The following DGKB variants were observed in gnomAD, a reference collection of about 807,000 sequenced individuals.
The protein encoded by DGKB is 90 kDa diacylglycerol kinase.
DGKB carries 67 observed loss-of-function variants against 114.3 expected under a neutral mutation model. The ratio of observed to expected loss-of-function variants is 0.59; its 90% CI spans 0.48 to 0.72. DGKB has a LOEUF of 0.72. DGKB is among the 30% of genes least tolerant of loss of function. The pLI, the probability that DGKB is intolerant of heterozygous loss-of-function variation, is 0.00. For synonymous variants in DGKB, 398 were observed against 323.1 expected (o/e 1.23, Z -2.49); for missense variants, 907 against 975.2 (o/e 0.93, Z 0.93).
chr7:14,804,287 T>A (rs73680319), intron 2 of DGKB, among the ~76,000 whole-genome samples: 291 of 152,194 alleles, frequency 1.9e-3, no homozygotes, highest in African/African-American at 6.4e-3. Context: ...TCTTCTATCT[T>A]TAAAAAACAT....
At chr7:14,733,786 A>G (rs997957730) in intron 5 of DGKB, among the ~76,000 whole-genome samples, 2 of 149,548 alleles carry the variant, frequency 1.3e-5, no homozygotes, top group African/African-American at 2.5e-5. Flanking sequence ...AGGAAGAAAG[A>G]AAGAAGGGAG....
chr7:14,616,809 C>T (rs1806624416), intron 15 of DGKB, among the ~76,000 whole-genome samples: 5 of 151,640 alleles, frequency 3.3e-5, no homozygotes. Context: ...ACTTGAGATA[C>T]AGTAATACGG....
intron 23 of DGKB, among the ~76,000 whole-genome samples, chr7:14,279,273 A>T (rs941384016): frequency 2.6e-5 from 4 of 152,106 alleles, no homozygotes; most frequent in African/African-American, 9.7e-5. Context: ...GCAGTCTGAG[A>T]TCAAACTGCA....
At chr7:14,167,154 T>A (rs1784725272) in intron 25 of DGKB, among the ~76,000 whole-genome samples, 1 of 135,700 alleles carries the variant, frequency 7.4e-6, no homozygotes, top group Admixed American at 8.8e-5. Context: ...GAGGTTGCAG[T>A]GAGCCAACTT....
chr7:14,392,995 G>GTTTTGTTGTTTTTTTTTTTTTTTTTTTTT lies in DGKB; in HGVS notation c.1836-47605_1836-47604insAAAAAAAAAAAAAAAAAAAAACAACAAAA, dbSNP rs1554404749. The stretch of plus-strand genomic sequence containing the variant: ...CAAAACAGACCTGTTTTTTGTTTTT[G>GTTTTGTTGTTTTTTTTTTTTTTTTTTTTT]TTTTTTTTTTTTTGAGACGGAGTCT... On this transcript the variant is annotated intron_variant, in intron 21 of 25. Transcript: ENST00000402815. Among the ~76,000 whole-genome samples, 43 of 60,546 alleles carry GTTTTGTTGTTTTTTTTTTTTTTTTTTTTT rather than the reference G, an allele frequency of 7.1e-4. 2 individuals carry two copies. The highest frequency in any genetic ancestry group is 2.0e-3 in the African/African-American group (42 of 20,682). 39.7% of individuals were successfully genotyped at this position (60,546 alleles called of 152,430 possible). A position where few individuals can be genotyped will look rare whatever the true frequency, so the allele number is the denominator to read the frequency against.
At chr7:14,569,700 T>C (rs1356389636) in intron 20 of DGKB, among the ~76,000 whole-genome samples, 1 of 152,130 alleles carries the variant, frequency 6.6e-6, no homozygotes, top group Non-Finnish European at 1.5e-5. Flanking sequence ...TCTCTCCTTA[T>C]TGTTAAAATT....
At chr7:14,831,873 A>G (rs577267558) in intron 2 of DGKB, among the ~76,000 whole-genome samples, 1 of 152,208 alleles carries the variant, frequency 6.6e-6, no homozygotes, top group South Asian at 2.1e-4. Flanking sequence ...GAGGTAAAAG[A>G]AGAAAATCAG....
At chr7:14,505,770 C>T (rs193117313) in intron 20 of DGKB, among the ~76,000 whole-genome samples, 269 of 152,300 alleles carry the variant, frequency 1.8e-3, no homozygotes, top group African/African-American at 6.0e-3. Flanking sequence ...GTGAATGACG[C>T]TCAAACGCCA....
At chr7:14,157,702 T>A (rs1483421425) in intron 25 of DGKB, among the ~76,000 whole-genome samples, 1 of 152,158 alleles carries the variant, frequency 6.6e-6, no homozygotes, top group East Asian at 1.9e-4. Context: ...TCTAAGTTAG[T>A]TGTCAGGGAA....
chr7:14,809,112 T>C (rs1373568900), intron 2 of DGKB, among the ~76,000 whole-genome samples: 1 of 152,130 alleles, frequency 6.6e-6, no homozygotes, highest in East Asian at 1.9e-4. Context: ...TTACAGCTAC[T>C]GCATTATAAA....
chr7:14,837,037 CATTACTTCATATATACTA>C (rs1847260114), intron 2 of DGKB, among the ~76,000 whole-genome samples: 1 of 152,186 alleles, frequency 6.6e-6, no homozygotes, highest in Non-Finnish European at 1.5e-5. Flanking sequence ...GCACGGCTCT[CATTACTTCATATATACTA>C]ATTCATACTT....
At chr7:14,949,667 C>T (rs998648998) in intron 1 of DGKB, among the ~76,000 whole-genome samples, 3 of 151,668 alleles carry the variant, frequency 2.0e-5, no homozygotes, top group African/African-American at 7.3e-5. Context: ...CAACAAACTC[C>T]AAATAGTATA....
At chr7:14,274,703 C>G (rs1335083294) in intron 23 of DGKB, among the ~76,000 whole-genome samples, 1 of 152,000 alleles carries the variant, frequency 6.6e-6, no homozygotes, top group Non-Finnish European at 1.5e-5. Flanking sequence ...CTGGTGAGGG[C>G]TCTCTTGTTG....
intron 23 of DGKB, among the ~76,000 whole-genome samples, chr7:14,211,360 T>TCTCTGG (rs1787815996): frequency 1.2e-5 from 1 of 86,288 alleles, no homozygotes; most frequent in African/African-American, 5.6e-5. Context: ...TGTTTTGTGA[T>TCTCTGG]ATTTACTCTC....
chr7:14,791,962 TA>T (rs1377208845), intron 2 of DGKB, among the ~76,000 whole-genome samples: 2 of 152,138 alleles, frequency 1.3e-5, no homozygotes, highest in Non-Finnish European at 2.9e-5. Context: ...GGTATCAGGG[TA>T]ATACAAGCTT....
chr7:14,184,194 C>T (rs533310495), intron 23 of DGKB, among the ~76,000 whole-genome samples: 4 of 152,092 alleles, frequency 2.6e-5, no homozygotes, highest in African/African-American at 2.4e-5. Context: ...AGGGATCCAA[C>T]GGGAGGGTGA....
intron 20 of DGKB, among the ~76,000 whole-genome samples, chr7:14,536,945 G>A (rs537945515): frequency 6.6e-6 from 1 of 152,030 alleles, no homozygotes; most frequent in South Asian, 2.1e-4. Flanking sequence ...AAAACTGAGG[G>A]AATTAAAAAT....
intron 23 of DGKB, among the ~76,000 whole-genome samples, chr7:14,336,217 G>C (rs990296971): frequency 6.6e-6 from 1 of 152,092 alleles, no homozygotes. Flanking sequence ...AGCATTTTGA[G>C]ATACTTTTGG....
intron 1 of DGKB, among the ~76,000 whole-genome samples, chr7:14,880,226 C>T (rs1467517050): frequency 2.1e-5 from 1 of 46,848 alleles, no homozygotes; most frequent in Non-Finnish European, 3.9e-5. Context: ...TTTGGGAGGC[C>T]AAGGCAGGCG....
Sources: allele counts gnomAD v4.1 joint callset (sites outside exome capture counted in the v4.1 genomes callset), GRCh38; gene constraint gnomAD v4.1.1; transcripts MANE v1.5; gene names NCBI Gene and HGNC (gene_info 2026-07-23, HGNC 2026-07-21).